ACSM2A: variants seen among roughly 807,000 people sequenced by gnomAD.
ACSM2A encodes the protein acyl-CoA synthetase medium chain family member 2A.
In ACSM2A, 72 loss-of-function variants were observed where a neutral mutation model predicts 76.6. The observed-to-expected ratio is 0.94, with a 90% confidence interval of 0.78 to 1.14. The LOEUF is 1.14. Ranked by LOEUF, ACSM2A falls within the 50% of genes most tolerant of loss-of-function variation. The pLI, the probability that ACSM2A is intolerant of heterozygous loss-of-function variation, is 0.00. For synonymous variants in ACSM2A, 249 were observed against 255.9 expected (o/e 0.97, Z 0.26); for missense variants, 684 against 708.5 (o/e 0.97, Z 0.39).
Position 20,458,904 on chromosome 16 carries a change from G to GTATATATATATATATATATATATGTATA in ACSM2A, c.-8-1203_-8-1202insTATATATATATATATATATATATGTATA, listed in dbSNP as rs1567356709. Among the ~76,000 whole-genome samples, 3 of 27,388 alleles carry GTATATATATATATATATATATATGTATA rather than the reference G, an allele frequency of 1.1e-4. No homozygotes were observed. In the South Asian group the frequency reaches 5.8e-3, roughly 53 times the overall value. The allele number at this position is 27,388 out of a possible 152,430, so 18.0% of individuals were successfully genotyped here. A position where few individuals can be genotyped will look rare whatever the true frequency, so the allele number is the denominator to read the frequency against. On this transcript the variant is annotated intron_variant, in intron 1 of 13. Coordinates refer to ENST00000573854, the MANE Select transcript of ACSM2A (RefSeq NM_001308172.2). ...TACATAGTATATATTATATATATAT[G>GTATATATATATATATATATATATGTATA]CATATATATATATATATATATATAT...
chr16:20,480,591 G>A lies in ACSM2A; in HGVS notation c.1300G>A (p.Ala434Thr), dbSNP rs759655791. 3 of 1,613,868 alleles carry A rather than the reference G, an allele frequency of 1.9e-6. No individual in the cohort carries two copies. The highest frequency in any genetic ancestry group is 2.5e-6 in the Non-Finnish European group (3 of 1,179,826). The change falls in exon 11 of 14, where the codon GCA becomes ACA. Residue 434 changes from alanine (A) to threonine (T), a missense_variant. Physicochemically the swap from Ala to Thr is moderately conservative, Grantham distance 58. Transcript: ENST00000573854. ...SGYVDNPDKT[A>T]ANIRGDFWLL... Reference sequence around the variant, plus strand: ...TCACCAGGACAATCCCGACAAGACAGCAGCCAACATTCGAGGAGACTTTTG... The same window carrying A: ...TCACCAGGACAATCCCGACAAGACAACAGCCAACATTCGAGGAGACTTTTG...
In ACSM2A at chr16:20,465,590, G is replaced by A. The variant is rs1052087847; in HGVS notation, c.251G>A (p.Arg84Lys). Residue 84 changes from arginine (R) to lysine (K), a missense_variant, in exon 3 of 14, where the codon AGA (arginine) becomes AAA (lysine). Coordinates refer to ENST00000573854, the MANE Select transcript of ACSM2A (RefSeq NM_001308172.2). ...GGGAAGGAATTAATGTGGAATTTCAGAGAACTGAGTGAAAACAGCCAGCAG... is the reference window on the plus strand; with the variant it reads ...GGGAAGGAATTAATGTGGAATTTCAAAGAACTGAGTGAAAACAGCCAGCAG... ...GKGKELMWNF[R>K]ELSENSQQAA... 2.3e-5 allele frequency: 37 copies of A among 1,613,870 alleles called. No homozygotes were observed. In the Admixed American group the frequency reaches 4.5e-4, roughly 20 times the overall value.
At chr16:20,476,559 G>C (rs1214277834) in intron 8 of ACSM2A, 4 of 985,278 alleles carry the variant, frequency 4.1e-6, no homozygotes, top group Admixed American at 1.2e-4. Flanking sequence ...GCATACCCTG[G>C]CAGGGGCCTC....
intron 2 of ACSM2A, among the ~76,000 whole-genome samples, chr16:20,464,899 A>G (rs1457953381): frequency 1.3e-5 from 2 of 152,170 alleles, no homozygotes; most frequent in African/African-American, 2.4e-5. Flanking sequence ...ACTTAATGCC[A>G]CTGAACTGTA....
chr16:20,471,819 T>A (rs2013431518), intron 6 of ACSM2A, 130 bp downstream of exon 6: 2 of 1,468,096 alleles, frequency 1.4e-6, no homozygotes, highest in South Asian at 2.9e-5. Flanking sequence ...CAGTGTTCAG[T>A]AAACGAGATG....
intron 2 of ACSM2A, among the ~76,000 whole-genome samples, chr16:20,465,235 T>TA (rs967777241): frequency 2.6e-5 from 4 of 152,150 alleles, no homozygotes; most frequent in African/African-American, 9.7e-5. Context: ...TTTATCATTA[T>TA]AAAAAAATTA....
chr16:20,459,207 A>G (rs1277230103), intron 1 of ACSM2A, among the ~76,000 whole-genome samples: 48 of 151,954 alleles, frequency 3.2e-4, no homozygotes, highest in Non-Finnish European at 3.1e-4. Flanking sequence ...GTATACTGTA[A>G]GTGTTAAGTG....
Position 20,462,442 on chromosome 16 carries a change from C to T in ACSM2A, c.177+2151C>T, listed in dbSNP as rs538781072. The stretch of plus-strand genomic sequence containing the variant: ...CTCCTATAGTTAGCTTGGTCTATGC[C>T]CAGGAATGAGCAAGAACAAAATACA... On this transcript the variant is annotated intron_variant, in intron 2 of 13. Transcript: ENST00000573854. 9.2e-5 allele frequency among the ~76,000 whole-genome samples: 14 copies of T among 152,138 alleles called. 1 individual carries two copies. In the South Asian group the frequency reaches 2.7e-3, roughly 29 times the overall value.
chr16:20,458,387 G>A (rs1254188754), intron 1 of ACSM2A, among the ~76,000 whole-genome samples: 2 of 145,478 alleles, frequency 1.4e-5, no homozygotes, highest in East Asian at 4.0e-4. Context: ...ATATATTTAT[G>A]GATAACATAT....
intron 6 of ACSM2A, among the ~76,000 whole-genome samples, chr16:20,472,321 G>A (rs1182272437): frequency 6.6e-6 from 1 of 152,156 alleles, no homozygotes; most frequent in Non-Finnish European, 1.5e-5. Context: ...TCCTGGGGAA[G>A]CCCTCTCTTC....
At chr16:20,484,647 G>T (rs1329969292) in intron 13 of ACSM2A, among the ~76,000 whole-genome samples, 2 of 148,566 alleles carry the variant, frequency 1.3e-5, no homozygotes, top group Non-Finnish European at 3.0e-5. Flanking sequence ...AGACGGTGAG[G>T]TTGCACTGTG....
intron 8 of ACSM2A, 74 bp downstream of exon 8, chr16:20,475,847 G>T (rs2013708345): frequency 1.3e-6 from 2 of 1,597,818 alleles, no homozygotes; most frequent in Non-Finnish European, 1.7e-6. Context: ...AATAAAAATT[G>T]TTAGCCACCA....
chr16:20,475,241 C>T (rs1567370450), intron 6 of ACSM2A, 121 bp from the exon 7 acceptor site: 2 of 1,564,656 alleles, frequency 1.3e-6, no homozygotes. Flanking sequence ...ACATAGTAAA[C>T]AAGCTAGGGT....
chr16:20,476,408 T>C, intron 8 of ACSM2A: 1 of 985,794 alleles, frequency 1.0e-6, no homozygotes, highest in Non-Finnish European at 1.2e-6. Flanking sequence ...CCTCTTCCTC[T>C]CCACTCTCTT....
At chr16:20,461,973 T>C (rs2012650836) in intron 2 of ACSM2A, among the ~76,000 whole-genome samples, 1 of 152,118 alleles carries the variant, frequency 6.6e-6, no homozygotes, top group African/African-American at 2.4e-5. Context: ...ATTATAGAGA[T>C]GTGAGAAATG....
intron 3 of ACSM2A, 23 bp from the exon 4 acceptor site, chr16:20,469,489 C>A (rs770307091): frequency 1.6e-5 from 26 of 1,610,252 alleles, no homozygotes; most frequent in Non-Finnish European, 2.0e-5. Flanking sequence ...CTTTCCAATT[C>A]TCTAAATTGT....
At chr16:20,451,847 G>A (rs761391588) in intron 1 of ACSM2A, among the ~76,000 whole-genome samples, 166 bp downstream of exon 1, 1 of 140,140 alleles carries the variant, frequency 7.1e-6, no homozygotes, top group Admixed American at 7.4e-5. Context: ...GGAAACACTG[G>A]GCAGAGGAAA....
chr16:20,455,164 C>T (rs2012065887), intron 1 of ACSM2A, among the ~76,000 whole-genome samples: 1 of 151,098 alleles, frequency 6.6e-6, no homozygotes, highest in African/African-American at 2.4e-5. Flanking sequence ...ATGATCAAAT[C>T]TAAGAATAAT....
intron 2 of ACSM2A, among the ~76,000 whole-genome samples, chr16:20,461,853 G>A (rs2012642510): frequency 6.6e-6 from 1 of 152,146 alleles, no homozygotes; most frequent in South Asian, 2.1e-4. Flanking sequence ...GGAAGGATGG[G>A]AAATATTTCT....
Sources: gnomAD v4.1 joint callset for allele counts (sites outside exome capture counted in the v4.1 genomes callset) on GRCh38, gnomAD v4.1.1 for gene constraint, MANE v1.5 for transcripts, NCBI Gene and HGNC (gene_info 2026-07-23, HGNC 2026-07-21) for gene names.